AGO3: variants seen among roughly 807,000 people sequenced by gnomAD.
AGO3 encodes protein argonaute-3.
Under a neutral mutation model 105.5 loss-of-function variants are expected in AGO3, and 16 were observed. That is an observed-to-expected ratio of 0.15 (90% CI 0.10 to 0.23). The LOEUF is 0.23. Ranked by LOEUF, AGO3 falls within the 10% of genes least tolerant of loss-of-function variation. The pLI is 1.00. For synonymous variants in AGO3, 340 were observed against 367.3 expected (o/e 0.93, Z 0.85); for missense variants, 534 against 1,088.0 (o/e 0.49, Z 7.16).
intron 17 of AGO3, among the ~76,000 whole-genome samples, chr1:36,044,206 G>A (rs1366421260): frequency 6.6e-6 from 1 of 152,112 alleles, no homozygotes; most frequent in Non-Finnish European, 1.5e-5. Context: ...TTAGCCAGGT[G>A]TGGTAGCACG....
intron 5 of AGO3, among the ~76,000 whole-genome samples, chr1:35,994,028 G>A (rs1203116624): frequency 7.0e-6 from 1 of 142,302 alleles, no homozygotes; most frequent in African/African-American, 2.6e-5. Context: ...ACATGCGTGA[G>A]CCACTGCGCC....
chr1:35,959,269 G>C (rs1646631202), intron 2 of AGO3, among the ~76,000 whole-genome samples: 2 of 152,206 alleles, frequency 1.3e-5, no homozygotes, highest in South Asian at 2.1e-4. Flanking sequence ...GTAGGAAGTA[G>C]TGATTGAAGT....
In AGO3 at chr1:36,036,027, C is replaced by T. The variant is rs1003401982; in HGVS notation, c.1752-150C>T. On this transcript the variant is annotated intron_variant, in intron 13 of 18. Transcript: ENST00000373191. ...CAGCCTGGGTGACAGAGCGAGACTCCGTCTCAAAAAAAAAAAAAAAAAAAA... is the reference window on the plus strand; with the variant it reads ...CAGCCTGGGTGACAGAGCGAGACTCTGTCTCAAAAAAAAAAAAAAAAAAAA... The T allele has an allele frequency of 6.8e-5, 36 of 530,666 alleles. No homozygotes were observed. In the East Asian group the frequency reaches 8.1e-4, roughly 12 times the overall value. 32.9% of individuals were successfully genotyped at this position (530,666 alleles called of 1,614,324 possible).
intron 5 of AGO3, chr1:35,992,057 T>C (rs1647716007): frequency 6.6e-6 from 1 of 152,256 alleles, no homozygotes; most frequent in Non-Finnish European, 1.5e-5. Context: ...TCCTTAGGTC[T>C]CTTCTCTTGG....
intron 5 of AGO3, chr1:35,982,520 AAAC>A: frequency 1.6e-6 from 1 of 630,728 alleles, no homozygotes. Flanking sequence ...TAAAAGATAA[AAAC>A]AAATCAATGA....
intron 3 of AGO3, 116 bp downstream of exon 3, chr1:35,967,191 T>C (rs1646789321): frequency 7.6e-7 from 1 of 1,315,698 alleles, no homozygotes; most frequent in Non-Finnish European, 1.0e-6. Flanking sequence ...CACTGATTGT[T>C]TTTAACTTTT....
intron 12 of AGO3, among the ~76,000 whole-genome samples, chr1:36,033,187 AT>A (rs1401111052): frequency 6.6e-6 from 1 of 151,746 alleles, no homozygotes; most frequent in Non-Finnish European, 1.5e-5. Flanking sequence ...AAATACAGAA[AT>A]TAGCTAGGTG....
chr1:35,976,238 T>A (rs1646955732), intron 5 of AGO3, among the ~76,000 whole-genome samples: 1 of 152,114 alleles, frequency 6.6e-6, no homozygotes, highest in Admixed American at 6.6e-5. Context: ...CCCAGGCCAT[T>A]TCTTGTTATT....
At chr1:36,002,019 A>T (rs1340625033) in intron 5 of AGO3, among the ~76,000 whole-genome samples, 1 of 151,976 alleles carries the variant, frequency 6.6e-6, no homozygotes, top group African/African-American at 2.4e-5. Context: ...AAAATATGTT[A>T]AAAAAAATTT....
At chr1:36,005,712 A>G (rs542083094) in intron 6 of AGO3, 16 of 985,262 alleles carry the variant, frequency 1.6e-5, no homozygotes, top group Non-Finnish European at 1.8e-5. Flanking sequence ...TCACCACTCT[A>G]TCACAGAAAA....
intron 1 of AGO3, among the ~76,000 whole-genome samples, chr1:35,932,743 T>G (rs1016749437): frequency 1.3e-5 from 2 of 152,116 alleles, no homozygotes; most frequent in African/African-American, 4.8e-5. Flanking sequence ...TGTCCTGCCC[T>G]TTTAAAAAAA....
At chr1:36,045,703 C>G (rs895551073) in intron 17 of AGO3, among the ~76,000 whole-genome samples, 5 of 151,664 alleles carry the variant, frequency 3.3e-5, no homozygotes, top group African/African-American at 4.9e-5. Context: ...CCACCACACG[C>G]GGCTAATTTT....
chr1:36,010,674 G>A (rs1192249933), intron 9 of AGO3, among the ~76,000 whole-genome samples: 1 of 151,470 alleles, frequency 6.6e-6, no homozygotes, highest in Admixed American at 6.6e-5. Flanking sequence ...TTCGGAGGCC[G>A]AGGGGGGCGG....
At chr1:36,028,543 A>G (rs558277690) in intron 12 of AGO3, among the ~76,000 whole-genome samples, 18 of 151,698 alleles carry the variant, frequency 1.2e-4, no homozygotes, top group East Asian at 9.7e-4. Context: ...ATGATTTCCA[A>G]TTTCATCCAT....
chr1:36,042,875 G>A (rs1642308625), intron 16 of AGO3, among the ~76,000 whole-genome samples: 2 of 152,136 alleles, frequency 1.3e-5, no homozygotes, highest in African/African-American at 4.8e-5. Context: ...CCTTTATTGT[G>A]TGCTATTGAG....
chr1:35,984,337 A>C (rs1647120948), intron 5 of AGO3: 1 of 152,172 alleles, frequency 6.6e-6, no homozygotes, highest in Non-Finnish European at 1.5e-5. Context: ...CCCTATCTCT[A>C]AAAAAAGAAA....
intron 5 of AGO3, among the ~76,000 whole-genome samples, chr1:35,993,517 AAC>A (rs1312842297): frequency 1.3e-5 from 2 of 152,052 alleles, no homozygotes; most frequent in Non-Finnish European, 2.9e-5. Flanking sequence ...TGATAGGTGA[AAC>A]AAATTCCTTG....
At chr1:36,033,100 T>C (rs1282065091) in intron 12 of AGO3, among the ~76,000 whole-genome samples, 1 of 151,706 alleles carries the variant, frequency 6.6e-6, no homozygotes, top group Non-Finnish European at 1.5e-5. Context: ...GCCGTTGCAC[T>C]CCAGCCCTGG....
At chr1:35,999,180 C>T (rs139146045) in intron 5 of AGO3, among the ~76,000 whole-genome samples, 20 of 152,170 alleles carry the variant, frequency 1.3e-4, no homozygotes, top group African/African-American at 4.8e-4. Flanking sequence ...TGGTGAACTC[C>T]GTCTCTACTA....
Sources: allele counts gnomAD v4.1 joint callset (sites outside exome capture counted in the v4.1 genomes callset), GRCh38; gene constraint gnomAD v4.1.1; transcripts MANE v1.5; gene names NCBI Gene and HGNC (gene_info 2026-07-23, HGNC 2026-07-21).